The following FTO variants were observed in gnomAD, a reference collection of about 807,000 sequenced individuals.
FTO encodes the protein alpha-ketoglutarate-dependent dioxygenase FTO.
A neutral mutation model predicts 63.9 loss-of-function variants in FTO; 47 were observed. That is an observed-to-expected ratio of 0.74 (90% CI 0.58 to 0.94). The LOEUF (loss-of-function observed/expected upper bound fraction) is 0.94. Ranked by LOEUF, FTO falls within the 40% of genes least tolerant of loss-of-function variation. The probability of loss-of-function intolerance (pLI) is 0.00; values close to 1 mark genes in which losing one functional copy is unlikely to be tolerated. For synonymous variants in FTO, 207 were observed against 224.4 expected (o/e 0.92, Z 0.69); for missense variants, 562 against 618.1 (o/e 0.91, Z 0.96).
intron 8 of FTO, among the ~76,000 whole-genome samples, chr16:54,086,214 T>C (rs1433009462): frequency 2.6e-5 from 4 of 152,180 alleles, no homozygotes; most frequent in African/African-American, 9.7e-5. Context: ...ACTGAAGCTG[T>C]TATTGGAACA....
At chr16:53,780,194 T>C (rs2077553516) in intron 1 of FTO, among the ~76,000 whole-genome samples, 1 of 152,192 alleles carries the variant, frequency 6.6e-6, no homozygotes, top group Admixed American at 6.5e-5. Flanking sequence ...CACTCTGTCC[T>C]TGCTCGTTCA....
At chr16:54,056,305 C>T (rs768358746) in intron 8 of FTO, among the ~76,000 whole-genome samples, 13 of 152,284 alleles carry the variant, frequency 8.5e-5, no homozygotes, top group African/African-American at 2.4e-4. Flanking sequence ...TCTGTGAGGG[C>T]GGGGGTCATA....
intron 1 of FTO, among the ~76,000 whole-genome samples, chr16:53,757,755 A>G (rs1453216985): frequency 6.6e-6 from 1 of 152,172 alleles, no homozygotes; most frequent in Non-Finnish European, 1.5e-5. Context: ...TGGGAATTCA[A>G]AGGATAAATT....
intron 1 of FTO, among the ~76,000 whole-genome samples, chr16:53,726,457 A>T (rs898242332): frequency 6.6e-6 from 1 of 152,168 alleles, no homozygotes; most frequent in Non-Finnish European, 1.5e-5. Context: ...TTTTTTTAGG[A>T]TCTGAGAATG....
intron 1 of FTO, among the ~76,000 whole-genome samples, chr16:53,782,941 T>C (rs1341290292): frequency 6.6e-6 from 1 of 152,182 alleles, no homozygotes; most frequent in African/African-American, 2.4e-5. Context: ...TTGTGTGTAG[T>C]AGGTGTGTAG....
Position 53,946,654 on chromosome 16 carries a change from G to A in FTO, c.1364+12545G>A, listed in dbSNP as rs964624556. 5.9e-5 allele frequency among the ~76,000 whole-genome samples: 9 copies of A among 151,986 alleles called. No homozygotes were observed. In the South Asian group the frequency reaches 6.2e-4, roughly 11 times the overall value. On this transcript the variant is annotated intron_variant, in intron 8 of 8. Transcript: ENST00000471389. The stretch of plus-strand genomic sequence containing the variant: ...ATATCTACAAGGAAGGCTTATGTAG[G>A]GCCTGGTCTGAACTCCAGGAAGCAT...
intron 1 of FTO, among the ~76,000 whole-genome samples, chr16:53,808,561 T>C (rs1181281422): frequency 6.6e-6 from 1 of 152,112 alleles, no homozygotes; most frequent in Non-Finnish European, 1.5e-5. Flanking sequence ...CAGAAAGAAT[T>C]TGTGTTTTAC....
At chr16:53,724,123 T>C (rs1017584069) in intron 1 of FTO, among the ~76,000 whole-genome samples, 21 of 152,348 alleles carry the variant, frequency 1.4e-4, no homozygotes, top group African/African-American at 5.0e-4. Flanking sequence ...ATCAAATCTA[T>C]TTATTTCTAA....
At chr16:53,770,545 A>G (rs368573484) in intron 1 of FTO, among the ~76,000 whole-genome samples, 1 of 152,198 alleles carries the variant, frequency 6.6e-6, no homozygotes, top group African/African-American at 2.4e-5. Flanking sequence ...TAACATTCCT[A>G]TTGTATGCAG....
rs1167819373 is a variant in FTO at position 53,760,227 on chromosome 16, TGTGTGTGTGTGTGTGTGTGTGTGTGTGTG to T, written c.46-49912_46-49884del. On this transcript the variant is annotated intron_variant, in intron 1 of 8. Transcript: ENST00000471389. ...TTTGGTGTGTGTGTGTGTGTGTGTGTGTGTGTGTGTGTGTGTGTGTGTGTGTGTGTGTGTTTTTTGGAGACAGGGTCTCA... is the reference window on the plus strand; with the variant it reads ...TTTGGTGTGTGTGTGTGTGTGTGTGTTGTGTTTTTTGGAGACAGGGTCTCA... Among the ~76,000 whole-genome samples the T allele has an allele frequency of 8.3e-4, 100 of 120,496 alleles. 5 individuals carry two copies. The highest frequency in any genetic ancestry group is 2.8e-3 in the African/African-American group (74 of 26,836). The allele number at this position is 120,496 out of a possible 152,430, so 79.1% of individuals were successfully genotyped here.
chr16:53,889,010 A>G (rs543685320), intron 7 of FTO, 59 bp downstream of exon 7: 3 of 1,579,404 alleles, frequency 1.9e-6, no homozygotes, highest in African/African-American at 2.7e-5. Context: ...CAAATCCTCC[A>G]CTGCCTCATT....
chr16:53,954,169 A>G (rs544513588), intron 8 of FTO, among the ~76,000 whole-genome samples: 1 of 152,274 alleles, frequency 6.6e-6, no homozygotes, highest in African/African-American at 2.4e-5. Flanking sequence ...ATAAAAAGAC[A>G]AGGGGAAAAG....
In FTO at chr16:53,711,300, C is replaced by G; in HGVS notation, c.45+7071C>G. The G allele has an allele frequency of 5.1e-6, 2 of 394,752 alleles. 1 individual carries two copies. The highest frequency in any genetic ancestry group is 2.7e-4 in the South Asian group (2 of 7,452). 24.5% of individuals were successfully genotyped at this position (394,752 alleles called of 1,614,324 possible). A position where few individuals can be genotyped will look rare whatever the true frequency, so the allele number is the denominator to read the frequency against. On this transcript the variant is annotated intron_variant, in intron 1 of 8. Transcript: ENST00000471389. ...CAGCCAGAATGGTACTAGTTTTGTACCACCTTTCAGAAAATTGAGAATATA... is the reference window on the plus strand; with the variant it reads ...CAGCCAGAATGGTACTAGTTTTGTAGCACCTTTCAGAAAATTGAGAATATA...
At chr16:53,776,934 C>T (rs2077473380) in intron 1 of FTO, among the ~76,000 whole-genome samples, 2 of 152,006 alleles carry the variant, frequency 1.3e-5, no homozygotes, top group Admixed American at 6.6e-5. Flanking sequence ...TATTTTAAAA[C>T]ATTTTTGTTT....
chr16:54,111,609 G>A (rs1295225310), intron 8 of FTO, among the ~76,000 whole-genome samples, 153 bp from the exon 9 acceptor site: 2 of 152,102 alleles, frequency 1.3e-5, no homozygotes, highest in Non-Finnish European at 2.9e-5. Context: ...AAACACCTGC[G>A]TTCCACCTGT....
chr16:53,962,654 A>T (rs2083109051), intron 8 of FTO, among the ~76,000 whole-genome samples: 1 of 152,172 alleles, frequency 6.6e-6, no homozygotes, highest in African/African-American at 2.4e-5. Context: ...TTGAATGATA[A>T]TGGCTAGCAT....
chr16:53,819,030 T>C (rs1307600216), intron 2 of FTO, among the ~76,000 whole-genome samples: 1 of 152,198 alleles, frequency 6.6e-6, no homozygotes, highest in Non-Finnish European at 1.5e-5. Context: ...ATTGTAATAA[T>C]TTGCATTCCT....
chr16:53,792,745 A>G (rs985246956), intron 1 of FTO, among the ~76,000 whole-genome samples: 18 of 152,180 alleles, frequency 1.2e-4, no homozygotes, highest in African/African-American at 4.3e-4. Context: ...GGTGGAAAGT[A>G]TGCTGCAATA....
intron 8 of FTO, among the ~76,000 whole-genome samples, chr16:54,108,479 A>C (rs1398878216): frequency 6.6e-6 from 1 of 152,142 alleles, no homozygotes; most frequent in African/African-American, 2.4e-5. Flanking sequence ...GATTCAAGCC[A>C]GACAGAGCTG....
Sources: gnomAD v4.1 joint callset for allele counts (sites outside exome capture counted in the v4.1 genomes callset) on GRCh38, gnomAD v4.1.1 for gene constraint, MANE v1.5 for transcripts, NCBI Gene and HGNC (gene_info 2026-07-23, HGNC 2026-07-21) for gene names.